The following ITGA2 variants were observed in gnomAD, a reference collection of about 807,000 sequenced individuals.
The protein encoded by ITGA2 is integrin subunit alpha 2, also known as integrin alpha-2.
ITGA2 carries 101 observed loss-of-function variants against 146.3 expected under a neutral mutation model. The ratio of observed to expected loss-of-function variants is 0.69; its 90% confidence interval spans 0.59 to 0.81. The LOEUF is 0.81. ITGA2 is among the 40% of genes least tolerant of loss of function. The pLI, the probability that ITGA2 is intolerant of heterozygous loss-of-function variation, is 0.00. For synonymous variants in ITGA2, 477 were observed against 487.1 expected (o/e 0.98, Z 0.27); for missense variants, 1,281 against 1,402.7 (o/e 0.91, Z 1.39).
chr5:53,016,062 A>T (rs1742387683), intron 1 of ITGA2, among the ~76,000 whole-genome samples: 1 of 152,126 alleles, frequency 6.6e-6, no homozygotes, highest in African/African-American at 2.4e-5. Flanking sequence ...GTGCCTTTTA[A>T]TTAGGGCATT....
chr5:53,005,139 G>A (rs1741774481), intron 1 of ITGA2, among the ~76,000 whole-genome samples: 4 of 151,606 alleles, frequency 2.6e-5, no homozygotes, highest in Admixed American at 2.6e-4. Context: ...TCAGAGTCAG[G>A]GTCTGAGTAA....
At chr5:53,029,248 G>T (rs547339234) in intron 2 of ITGA2, among the ~76,000 whole-genome samples, 8 of 152,180 alleles carry the variant, frequency 5.3e-5, no homozygotes, top group African/African-American at 1.9e-4. Context: ...CTCTAGCTTG[G>T]GTGACAGAGT....
chr5:53,049,615 C>G (rs1436731466), intron 6 of ITGA2, among the ~76,000 whole-genome samples: 1 of 151,998 alleles, frequency 6.6e-6, no homozygotes, highest in Non-Finnish European at 1.5e-5. Context: ...TTTAAGAAGT[C>G]TTTAATTTGC....
Position 53,056,066 on chromosome 5 carries a change from A to AAAGAT in ITGA2, c.1015_1019dup (p.Tyr340Ter). ...AAAGCAATCGCTAGTATTCCAACAG[A>AAAGAT]AAGATACTTTTTCAATGTGTCTGAT... is the stretch of plus-strand genomic sequence containing the variant. On this transcript the variant is annotated frameshift_variant, in exon 9 of 30. Transcript: ENST00000296585. LOFTEE classifies it high-confidence loss of function. 6.2e-7 allele frequency: 1 copy of AAAGAT among 1,611,734 alleles called. No homozygotes were observed. The highest frequency in any genetic ancestry group is 8.5e-7 in the Non-Finnish European group (1 of 1,178,588).
At chr5:53,012,889 G>A (rs1742209946) in intron 1 of ITGA2, among the ~76,000 whole-genome samples, 1 of 152,056 alleles carries the variant, frequency 6.6e-6, no homozygotes, top group Admixed American at 6.6e-5. Context: ...TTGGCCACAT[G>A]TATTTCTTCT....
chr5:53,053,573 A>G (rs1025908877), intron 7 of ITGA2, among the ~76,000 whole-genome samples: 1 of 152,144 alleles, frequency 6.6e-6, no homozygotes, highest in Non-Finnish European at 1.5e-5. Context: ...TCTCCAGGAC[A>G]ATGGCCACTG....
chr5:53,034,372 T>C (rs552619997), intron 2 of ITGA2, among the ~76,000 whole-genome samples: 73 of 150,872 alleles, frequency 4.8e-4, no homozygotes, highest in Non-Finnish European at 9.0e-4. Flanking sequence ...ATCACGTCAC[T>C]GCACTCCAGC....
intron 2 of ITGA2, among the ~76,000 whole-genome samples, chr5:53,041,112 C>T (rs1429089298): frequency 2.9e-5 from 4 of 139,398 alleles, no homozygotes; most frequent in Non-Finnish European, 6.6e-5. Flanking sequence ...TAACCCTTCC[C>T]AATACTGACA....
intron 1 of ITGA2, among the ~76,000 whole-genome samples, chr5:53,017,762 GGGGTATGGTA>G (rs1252938849): frequency 5.3e-5 from 8 of 152,152 alleles, no homozygotes; most frequent in African/African-American, 1.7e-4. Context: ...ACATCAGCTG[GGGGTATGGTA>G]GGATGAGCAT....
chr5:53,050,830 A>G (rs541732512), intron 6 of ITGA2, among the ~76,000 whole-genome samples: 1 of 152,354 alleles, frequency 6.6e-6, no homozygotes, highest in South Asian at 2.1e-4. Flanking sequence ...TCCCTGCCCC[A>G]TATGCACATA....
At chr5:53,065,360 TAAAA>T (rs1416189412) in intron 14 of ITGA2, among the ~76,000 whole-genome samples, 2 of 151,722 alleles carry the variant, frequency 1.3e-5, no homozygotes, top group African/African-American at 2.4e-5. Flanking sequence ...AGGAGACAAA[TAAAA>T]AGAAAGAAGT....
intron 1 of ITGA2, among the ~76,000 whole-genome samples, chr5:53,012,855 G>A: frequency 6.6e-6 from 1 of 152,126 alleles, no homozygotes; most frequent in East Asian, 1.9e-4. Flanking sequence ...GATCAATGGT[G>A]TGGAGCATTT....
chr5:53,046,849 T>C (rs1344743563), intron 4 of ITGA2, among the ~76,000 whole-genome samples: 1 of 152,160 alleles, frequency 6.6e-6, no homozygotes, highest in African/African-American at 2.4e-5. Flanking sequence ...AAAGTAGGAA[T>C]GTAGTTCTGG....
At chr5:52,995,067 G>T (rs375977376) in intron 1 of ITGA2, among the ~76,000 whole-genome samples, 23 of 152,314 alleles carry the variant, frequency 1.5e-4, no homozygotes, top group African/African-American at 4.6e-4. Context: ...AGTTCCTGGG[G>T]CAGATGTTTA....
intron 1 of ITGA2, among the ~76,000 whole-genome samples, chr5:53,026,191 T>C (rs1045077800): frequency 6.6e-6 from 1 of 152,210 alleles, no homozygotes. Flanking sequence ...CAAGGAGCTG[T>C]GATTTTCTAT....
chr5:53,065,192 C>A, intron 14 of ITGA2, 77 bp downstream of exon 14: 1 of 1,379,944 alleles, frequency 7.2e-7, no homozygotes, highest in Non-Finnish European at 1.0e-6. Context: ...TCATGTAAAC[C>A]ATGCAATCCG....
intron 1 of ITGA2, among the ~76,000 whole-genome samples, chr5:53,014,625 G>A (rs914729122): frequency 6.6e-6 from 1 of 152,150 alleles, no homozygotes; most frequent in African/African-American, 2.4e-5. Flanking sequence ...AATGAGTTAG[G>A]AAGGAGTCCC....
chr5:53,048,046 T>G (rs1023086129), intron 4 of ITGA2, among the ~76,000 whole-genome samples: 3 of 152,154 alleles, frequency 2.0e-5, no homozygotes, highest in African/African-American at 7.2e-5. Flanking sequence ...ATTCTCCTCC[T>G]TGGTGTTCTC....
chr5:53,065,421 A>G (rs1351214315), intron 14 of ITGA2, among the ~76,000 whole-genome samples: 3 of 151,994 alleles, frequency 2.0e-5, no homozygotes, highest in Non-Finnish European at 2.9e-5. Flanking sequence ...TTTTTAAAAA[A>G]GCAAATGAAA....
Sources: allele counts gnomAD v4.1 joint callset (sites outside exome capture counted in the v4.1 genomes callset), GRCh38; gene constraint gnomAD v4.1.1; transcripts MANE v1.5; gene names NCBI Gene and HGNC (gene_info 2026-07-23, HGNC 2026-07-21).